Variants in HEMK2 observed in about 807,000 individuals in gnomAD.
The protein encoded by HEMK2 is methyltransferase HEMK2.
chr21:28,833,043 GA>G, the HEMK2 span, among the ~76,000 whole-genome samples: 1 of 152,198 alleles, frequency 6.6e-6, no homozygotes, highest in Admixed American at 6.5e-5. Context: ...CTAACACTCA[GA>G]AAAGGTGAGT....
the HEMK2 span, among the ~76,000 whole-genome samples, chr21:28,806,147 G>A: frequency 0.046 from 7,023 of 152,226 alleles, 229 homozygotes; most frequent in Non-Finnish European, 0.074. Context: ...CAGGAATTAC[G>A]TCTCCAGTGC....
chr21:28,823,922 T>C, the HEMK2 span, among the ~76,000 whole-genome samples: 1 of 152,210 alleles, frequency 6.6e-6, no homozygotes, highest in Non-Finnish European at 1.5e-5. Context: ...ATCATCTCCA[T>C]CAGAACCCTC....
chr21:28,767,429 A>C, the HEMK2 span, among the ~76,000 whole-genome samples: 1 of 152,040 alleles, frequency 6.6e-6, no homozygotes, highest in South Asian at 2.1e-4. Flanking sequence ...AGATTTAAAA[A>C]AAAAAAGAAT....
chr21:28,651,895 G>A, the HEMK2 span, among the ~76,000 whole-genome samples: 13 of 152,134 alleles, frequency 8.5e-5, no homozygotes, highest in African/African-American at 3.1e-4. Flanking sequence ...AAGACAACTT[G>A]TTCAAATTCC....
the HEMK2 span, among the ~76,000 whole-genome samples, chr21:28,744,041 T>C: frequency 0.51 from 76,585 of 151,634 alleles, 20,917 homozygotes; most frequent in East Asian, 0.78. Context: ...ATAATGAGAA[T>C]TCATGGACAG....
At chr21:28,717,255 A>C in the HEMK2 span, among the ~76,000 whole-genome samples, 1 of 151,912 alleles carries the variant, frequency 6.6e-6, no homozygotes, top group African/African-American at 2.4e-5. Flanking sequence ...GGGTTTTTTA[A>C]GGTTGGGTGT....
chr21:28,826,786 A>G, the HEMK2 span, among the ~76,000 whole-genome samples: 1 of 152,204 alleles, frequency 6.6e-6, no homozygotes, highest in African/African-American at 2.4e-5. Context: ...CACACTTAAA[A>G]TATTCACTAT....
At chr21:28,771,019 ACG>A in the HEMK2 span, among the ~76,000 whole-genome samples, 11 of 141,260 alleles carry the variant, frequency 7.8e-5, no homozygotes, top group South Asian at 2.3e-4. Flanking sequence ...ACACACACAC[ACG>A]CGCAACTTAC....
At chr21:28,690,525 G>A in the HEMK2 span, among the ~76,000 whole-genome samples, 1 of 152,086 alleles carries the variant, frequency 6.6e-6, no homozygotes, top group Admixed American at 6.6e-5. Flanking sequence ...AAGCCTCTAA[G>A]TTTATAGCAA....
the HEMK2 span, among the ~76,000 whole-genome samples, chr21:28,632,887 C>A: frequency 6.6e-6 from 1 of 152,144 alleles, no homozygotes; most frequent in African/African-American, 2.4e-5. Context: ...GTGGGATGAG[C>A]AAAAAGCAGA....
chr21:28,752,851 C>A, the HEMK2 span, among the ~76,000 whole-genome samples: 42 of 152,196 alleles, frequency 2.8e-4, no homozygotes, highest in Non-Finnish European at 5.3e-4. Flanking sequence ...AGGAGCACCC[C>A]ACTGTCATGA....
chr21:28,799,401 G>T, the HEMK2 span, among the ~76,000 whole-genome samples: 1 of 152,028 alleles, frequency 6.6e-6, no homozygotes, highest in African/African-American at 2.4e-5. Flanking sequence ...CCTCCCACTG[G>T]GTCCCTCCCA....
chr21:28,846,843 T>G, the HEMK2 span, among the ~76,000 whole-genome samples: 1 of 152,270 alleles, frequency 6.6e-6, no homozygotes, highest in Admixed American at 6.5e-5. Flanking sequence ...TGTGTCCATG[T>G]GTACTCAATG....
At chr21:28,665,336 T>A in the HEMK2 span, among the ~76,000 whole-genome samples, 182 of 86,512 alleles carry the variant, frequency 2.1e-3, 1 homozygote, top group African/African-American at 0.011. Context: ...TTATATTTCT[T>A]TTTTTTTTTT....
chr21:28,607,255 C>CA, the HEMK2 span, among the ~76,000 whole-genome samples: 1 of 151,972 alleles, frequency 6.6e-6, no homozygotes, highest in East Asian at 1.9e-4. Context: ...TACTAAAATA[C>CA]AAAAAATTAG....
At chr21:28,651,543 G>A in the HEMK2 span, among the ~76,000 whole-genome samples, 2 of 152,136 alleles carry the variant, frequency 1.3e-5, no homozygotes, top group African/African-American at 4.8e-5. Context: ...ATTTTTAATT[G>A]TAAGTTGCAA....
chr21:28,637,426 GC>G, the HEMK2 span, among the ~76,000 whole-genome samples: 10 of 151,682 alleles, frequency 6.6e-5, no homozygotes, highest in Admixed American at 3.9e-4. Flanking sequence ...ATAACAGTGG[GC>G]ACTTGCCTCT....
At chr21:28,831,201 T>C in the HEMK2 span, among the ~76,000 whole-genome samples, 1 of 151,990 alleles carries the variant, frequency 6.6e-6, no homozygotes, top group East Asian at 2.0e-4. Context: ...TCCCAGCACT[T>C]TGGGAGGCCG....
chr21:28,872,295 C>T, the HEMK2 span: 22 of 152,220 alleles, frequency 1.4e-4, no homozygotes, highest in Admixed American at 1.1e-3. Context: ...GGCCACCACA[C>T]ACGAGCTGAA....
Sources: gnomAD v4.1 joint callset for allele counts (sites outside exome capture counted in the v4.1 genomes callset) on GRCh38, gnomAD v4.1.1 for gene constraint, MANE v1.5 for transcripts, NCBI Gene and HGNC (gene_info 2026-07-23, HGNC 2026-07-21) for gene names.